Variants in FASTKD5 observed in about 807,000 individuals in gnomAD.
FASTKD5 encodes FAST kinase domains 5.
A neutral mutation model predicts 44.0 loss-of-function variants in FASTKD5; 30 were observed. The observed-to-expected ratio is 0.68, with a 90% CI of 0.51 to 0.93. FASTKD5 has a LOEUF of 0.93. FASTKD5 is among the 40% of genes least tolerant of loss of function. The pLI is 0.00. For missense variants in FASTKD5, 868 were observed against 908.2 expected, an observed-to-expected ratio of 0.96 and a Z score of 0.57; for synonymous variants, 335 against 342.2, an observed-to-expected ratio of 0.98 and a Z score of 0.23.
At position 3,149,021 on chromosome 20, in the gene FASTKD5, C is replaced by A. The variant is rs2066598282; in HGVS notation, c.50G>T (p.Cys17Phe). 1 of 1,613,750 alleles carries A rather than the reference C, an allele frequency of 6.2e-7. No individual in the cohort carries two copies. Among genetic ancestry groups the A allele is most frequent in the South Asian group, 1.1e-5 (1 of 91,004 alleles). Residue 17 changes from cysteine (C) to phenylalanine (F), a missense_variant, in exon 2 of 2, where the codon TGC becomes TTC. Transcript: ENST00000380266. The surrounding 1 kb of genome is among the most constrained non-coding windows in gnomAD (Gnocchi z 4.1). ...SLKLVRYRAF[C>F]SPSAFGAVRS... is the part of the protein sequence containing the mutation. ...GACTGCACCAAAGGCAGAAGGACTG[C>A]AAAATGCTCGGTATCTTACAAGTTT...
chr20:3,148,364 A>G lies in FASTKD5; in HGVS notation c.707T>C (p.Val236Ala). The change falls in exon 2 of 2, where the codon GTA (valine) becomes GCA (alanine). Residue 236 changes from valine to alanine, a missense_variant. Physicochemically the swap from Val to Ala is moderately conservative, Grantham distance 64. Transcript: ENST00000380266. Reference sequence around the variant, plus strand: ...GAGCTGATCCATATTCATCTCCCATACCTGATGGCAACACTTGGTCTCATA... The same window carrying G: ...GAGCTGATCCATATTCATCTCCCATGCCTGATGGCAACACTTGGTCTCATA... Reference protein sequence around the residue: ...DVYETKCCHQVWEMNMDQLLL... With the variant: ...DVYETKCCHQAWEMNMDQLLL... The G allele has an allele frequency of 6.8e-6, 11 of 1,614,148 alleles. No homozygotes were observed. Among genetic ancestry groups the G allele is most frequent in the Non-Finnish European group, 9.3e-6 (11 of 1,180,008 alleles).
At chr20:3,153,522 T>C (rs1283296672) in intron 1 of FASTKD5, among the ~76,000 whole-genome samples, 2 of 152,222 alleles carry the variant, frequency 1.3e-5, no homozygotes, top group Non-Finnish European at 2.9e-5. Context: ...TGGAGCCTAA[T>C]ATTAAAGACT....
intron 1 of FASTKD5, among the ~76,000 whole-genome samples, chr20:3,152,683 G>A (rs899239252): frequency 8.6e-5 from 13 of 151,972 alleles, no homozygotes; most frequent in Non-Finnish European, 1.8e-4. Flanking sequence ...CAAGGTGGGC[G>A]GACCACTTGA....
chr20:3,147,335 T>C lies in FASTKD5; in HGVS notation c.1736A>G (p.His579Arg), dbSNP rs142069372. 4.6e-5 allele frequency: 74 copies of C among 1,614,204 alleles called. No homozygotes were observed. The African/African-American group carries it at 5.1e-4, about 11-fold the overall frequency. ...AGATCGGGTATGAGGCAAAATCATA[T>C]GGTGCTTGACGTACTGGGGCCCCCC... ...MLGGPQYVKHHMILPHTRSSD... is the reference protein window; with the variant it reads ...MLGGPQYVKHRMILPHTRSSD... The change falls in exon 2 of 2, where the codon CAT becomes CGT. Residue 579 changes from histidine to arginine, a missense_variant. His to Arg is a conservative substitution (Grantham distance 29). Coordinates refer to ENST00000380266, the MANE Select transcript of FASTKD5 (RefSeq NM_021826.5).
In FASTKD5 at chr20:3,146,868, A is replaced by G. The variant is rs1487576918; in HGVS notation, c.2203T>C (p.Leu735=). 3 of 1,614,084 alleles carry G rather than the reference A, an allele frequency of 1.9e-6. No individual in the cohort carries two copies. In the East Asian group the frequency reaches 6.7e-5, roughly 36 times the overall value. Residue 735 remains leucine, a synonymous_variant, in exon 2 of 2, where the codon TTA becomes CTA. Coordinates refer to ENST00000380266, the MANE Select transcript of FASTKD5 (RefSeq NM_021826.5). ...LARLGYRVVE[L]SYWEWLPLLK... ...AGTGGGAGCCATTCCCAGTAGGATA[A>G]CTCTACCACACGGTAGCCAAGCCGA...
rs562653326 is a variant in FASTKD5, at chr20:3,149,406, T to C, written c.-190-146A>G. 1.4e-5 allele frequency: 4 copies of C among 282,512 alleles called. No homozygotes were observed. The South Asian group carries it at 2.5e-4, about 18-fold the overall frequency. The allele number at this position is 282,512 out of a possible 1,614,324, so 17.5% of individuals were successfully genotyped here. Reference sequence around the variant, plus strand: ...AATGCCCAAACCACATGACAGCATATATCAAGGATAAATTCTGCGGTCTGT... The same window carrying C: ...AATGCCCAAACCACATGACAGCATACATCAAGGATAAATTCTGCGGTCTGT... On this transcript the variant is annotated intron_variant, in intron 1 of 1. Transcript: ENST00000380266. This position sits in a 1 kb window ranked among gnomAD's most constrained non-coding sequence, Gnocchi z 4.1.
chr20:3,156,722 T>C (rs925811975), intron 1 of FASTKD5: 1 of 152,350 alleles, frequency 6.6e-6, no homozygotes, highest in Non-Finnish European at 1.5e-5. Flanking sequence ...CAGAGCCGAA[T>C]AGCTTCATTT....
chr20:3,156,002 GAGA>G (rs1444312628), intron 1 of FASTKD5, among the ~76,000 whole-genome samples: 1 of 152,206 alleles, frequency 6.6e-6, no homozygotes, highest in Non-Finnish European at 1.5e-5. Context: ...AGAAGCAGCA[GAGA>G]AGAACAGTAG....
intron 1 of FASTKD5, among the ~76,000 whole-genome samples, chr20:3,159,422 T>A (rs1568485824): frequency 6.6e-6 from 1 of 152,174 alleles, no homozygotes; most frequent in Non-Finnish European, 1.5e-5. Context: ...CGCAGGCACA[T>A]CAAAGTGTGA....
intron 1 of FASTKD5, among the ~76,000 whole-genome samples, chr20:3,156,321 T>C (rs1279422724): frequency 6.6e-6 from 1 of 151,864 alleles, no homozygotes; most frequent in Non-Finnish European, 1.5e-5. Flanking sequence ...GACTAAAGGC[T>C]CACGCCAACA....
chr20:3,147,725 T>C lies in FASTKD5; in HGVS notation c.1346A>G (p.Glu449Gly). 1 of 1,614,206 alleles carries C rather than the reference T, an allele frequency of 6.2e-7. No homozygotes were observed. Among genetic ancestry groups the C allele is most frequent in the Non-Finnish European group, 8.5e-7 (1 of 1,180,040 alleles). ...CTCACTTATCAGGCTGGAGTAAAAT[T>C]CTTCTGCATTGGGTGGCTTATAATT... ...TLNYKPPNAE[E>G]FYSSLISEIH... Residue 449 changes from glutamate to glycine, a missense_variant, in exon 2 of 2, where the codon GAA (glutamate) becomes GGA (glycine). Transcript: ENST00000380266.
intron 1 of FASTKD5, chr20:3,151,620 A>AAAAAT (rs1196979713): frequency 2.0e-5 from 3 of 151,974 alleles, no homozygotes; most frequent in African/African-American, 7.2e-5. Flanking sequence ...AGACTGTCTA[A>AAAAAT]AAAATAAAAT....
At chr20:3,159,396 G>T (rs2066722910) in intron 1 of FASTKD5, among the ~76,000 whole-genome samples, 1 of 152,204 alleles carries the variant, frequency 6.6e-6, no homozygotes, top group Non-Finnish European at 1.5e-5. Flanking sequence ...TACAGAATCA[G>T]AATCTCTAAG....
Position 3,149,759 on chromosome 20 carries a change from T to C in FASTKD5, c.-190-499A>G, listed in dbSNP as rs578078033. 6.6e-6 allele frequency among the ~76,000 whole-genome samples: 1 copy of C among 152,334 alleles called. No individual in the cohort carries two copies. The highest frequency in any genetic ancestry group is 1.5e-5 in the Non-Finnish European group (1 of 68,042). On this transcript the variant is annotated intron_variant, in intron 1 of 1. Coordinates refer to ENST00000380266, the MANE Select transcript of FASTKD5 (RefSeq NM_021826.5). This position sits in a 1 kb window ranked among gnomAD's most constrained non-coding sequence, Gnocchi z 4.1. ...TGGCTGGGTGTGGGTGGCTCATGCCTGTAATGCCAGCACTTTGGGAGGCCG... is the reference window on the plus strand; with the variant it reads ...TGGCTGGGTGTGGGTGGCTCATGCCCGTAATGCCAGCACTTTGGGAGGCCG...
rs750241345 is a variant in FASTKD5 at position 3,147,483 on chromosome 20, C to G, written c.1588G>C (p.Gly530Arg). 7.9e-5 allele frequency: 128 copies of G among 1,614,074 alleles called. No homozygotes were observed. Among genetic ancestry groups the G allele is most frequent in the Non-Finnish European group, 1.0e-4 (119 of 1,180,046 alleles). The change falls in exon 2 of 2, where the codon GGC becomes CGC. Residue 530 changes from glycine to arginine, a missense_variant. Gly to Arg is a moderately radical substitution (Grantham distance 125, BLOSUM62 -2). Coordinates refer to ENST00000380266, the MANE Select transcript of FASTKD5 (RefSeq NM_021826.5). The stretch of plus-strand genomic sequence containing the variant: ...TGAAGGTGAGTACTAAGACGATTGC[C>G]TCTGTAATCTGGACACTCAATGCCA... ...TVGIECPDYR[G>R]NRLSTHLQQE...
In FASTKD5 at chr20:3,147,010, T is replaced by C; in HGVS notation, c.2061A>G (p.Ala687=). 1 of 1,614,220 alleles carries C rather than the reference T, an allele frequency of 6.2e-7. No homozygotes were observed. Among genetic ancestry groups the C allele is most frequent in the Non-Finnish European group, 8.5e-7 (1 of 1,180,048 alleles). Residue 687 remains alanine (A), a synonymous_variant, in exon 2 of 2, where the codon GCA becomes GCG. Transcript: ENST00000380266. ...GAMEMAGLCP[A]ACMQTPRMKL... The stretch of plus-strand genomic sequence containing the variant: ...TCATTCTTGGGGTCTGCATGCAGGC[T>C]GCGGGGCACAGGCCAGCCATCTCCA...
chr20:3,146,996 G>A lies in FASTKD5; in HGVS notation c.2075C>T (p.Thr692Ile). ...AGLCPAACMQ[T>I]PRMKLAVQFT... The stretch of plus-strand genomic sequence containing the variant: ...CTGAACAGCCAGCTTCATTCTTGGG[G>A]TCTGCATGCAGGCTGCGGGGCACAG... Residue 692 changes from threonine to isoleucine, a missense_variant, in exon 2 of 2, where the codon ACC becomes ATC. Physicochemically the swap from Thr to Ile is moderately conservative, Grantham distance 89. Coordinates refer to ENST00000380266, the MANE Select transcript of FASTKD5 (RefSeq NM_021826.5). The A allele has an allele frequency of 6.2e-7, 1 of 1,614,138 alleles. No homozygotes were observed. The highest frequency in any genetic ancestry group is 1.1e-5 in the South Asian group (1 of 91,074).
intron 1 of FASTKD5, among the ~76,000 whole-genome samples, chr20:3,154,798 T>C (rs915030571): frequency 6.6e-6 from 1 of 151,862 alleles, no homozygotes; most frequent in African/African-American, 2.4e-5. Context: ...AACCAAAAAT[T>C]ATGAGCAAAC....
chr20:3,148,282 G>C lies in FASTKD5; in HGVS notation c.789C>G (p.Asn263Lys), dbSNP rs755994940. The C allele has an allele frequency of 1.2e-6, 2 of 1,611,614 alleles. No individual in the cohort carries two copies. The highest frequency in any genetic ancestry group is 4.5e-5 in the East Asian group (2 of 44,892). The stretch of plus-strand genomic sequence containing the variant: ...GCAAATTAAGATAACTAGAAAAAAT[G>C]TTTAAAAACCTAGGTACTTTGCGGC... ...YLGRKVPRFLNIFSSYLNLHW... is the reference protein window; with the variant it reads ...YLGRKVPRFLKIFSSYLNLHW... The change falls in exon 2 of 2, where the codon AAC becomes AAG. Residue 263 changes from asparagine (N) to lysine (K), a missense_variant. Asn to Lys is a moderately conservative substitution (Grantham distance 94, BLOSUM62 0). Transcript: ENST00000380266.
Sources: gnomAD v4.1 joint callset for allele counts (sites outside exome capture counted in the v4.1 genomes callset) on GRCh38, gnomAD v4.1.1 for gene constraint, Gnocchi (gnomAD v3.1) non-coding constraint, MANE v1.5 for transcripts, NCBI Gene and HGNC (gene_info 2026-07-23, HGNC 2026-07-21) for gene names.